Variants in ZNF678 observed in about 807,000 individuals in gnomAD.
The protein encoded by ZNF678 is zinc finger protein 678, also known as hypothetical protein MGC42493.
ZNF678 carries 5 observed loss-of-function variants against 3.0 expected under a neutral mutation model. The ratio of observed to expected loss-of-function variants is 1.69; its 90% CI spans 0.88 to 3.56. ZNF678 has a LOEUF of 3.56. ZNF678 is among the 30% of genes most tolerant of loss of function. The pLI is 0.00. For missense variants in ZNF678, 593 were observed against 605.0 expected, an observed-to-expected ratio of 0.98 and a Z score of 0.21; for synonymous variants, 218 against 199.6, an observed-to-expected ratio of 1.09 and a Z score of -0.78.
chr1:227,643,304 A>G (rs1658868196), intron 1 of ZNF678, among the ~76,000 whole-genome samples: 1 of 152,204 alleles, frequency 6.6e-6, no homozygotes, highest in Admixed American at 6.5e-5. Context: ...AAAGGTTTAT[A>G]TTATATTTAT....
intron 1 of ZNF678, among the ~76,000 whole-genome samples, chr1:227,577,878 CTT>C (rs1657024966): frequency 6.6e-6 from 1 of 152,122 alleles, no homozygotes; most frequent in South Asian, 2.1e-4. Flanking sequence ...TGGTAACAGT[CTT>C]TTCTCTCCAT....
intron 1 of ZNF678, among the ~76,000 whole-genome samples, chr1:227,628,370 C>T (rs1027742406): frequency 4.6e-5 from 7 of 152,180 alleles, no homozygotes; most frequent in Admixed American, 2.0e-4. Context: ...TTAGGGCCTT[C>T]TTTAGGGCCT....
Position 227,654,378 on chromosome 1 carries a change from A to G in ZNF678, c.128A>G (p.Asp43Gly). ...YSIQDLLPEQ[D>G]MKDLCQKVTL... ...ATTCAAGACCTTTTGCCAGAGCAGG[A>G]TATGAAAGATTTATGCCAAAAAGTG... The change falls in exon 4 of 4, where the codon GAT (aspartate) becomes GGT (glycine). Residue 43 changes from aspartate to glycine, a missense_variant. Physicochemically the swap from Asp to Gly is moderately conservative, Grantham distance 94 (BLOSUM62 -1). Coordinates refer to ENST00000343776, the MANE Select transcript of ZNF678 (RefSeq NM_001367909.1). 2 of 1,599,344 alleles carry G rather than the reference A, an allele frequency of 1.3e-6. No homozygotes were observed. Among genetic ancestry groups the G allele is most frequent in the Non-Finnish European group, 8.5e-7 (1 of 1,174,070 alleles).
intron 1 of ZNF678, among the ~76,000 whole-genome samples, chr1:227,633,106 T>C (rs1658590848): frequency 6.6e-6 from 1 of 152,058 alleles, no homozygotes; most frequent in African/African-American, 2.4e-5. Flanking sequence ...ATCAGAATTG[T>C]GGTGGACACC....
downstream of ZNF678, among the ~76,000 whole-genome samples, chr1:227,662,893 G>A (rs201407546): frequency 3.3e-5 from 5 of 152,140 alleles, no homozygotes; most frequent in East Asian, 7.7e-4. Flanking sequence ...GGGCTGAATT[G>A]CATTTTCTCC....
chr1:227,571,390 T>C (rs1046727319), intron 1 of ZNF678, among the ~76,000 whole-genome samples: 3 of 152,242 alleles, frequency 2.0e-5, no homozygotes, highest in African/African-American at 7.2e-5. Context: ...AGTTTTACAG[T>C]TCCATGTTGA....
chr1:227,677,574 G>A (rs1659704923), downstream of ZNF678: 1 of 152,222 alleles, frequency 6.6e-6, no homozygotes, highest in Admixed American at 6.5e-5. Context: ...AAACTGGCAG[G>A]GGACTCTTCC....
At chr1:227,630,229 A>G (rs1324170858) in intron 1 of ZNF678, among the ~76,000 whole-genome samples, 2 of 152,240 alleles carry the variant, frequency 1.3e-5, no homozygotes, top group Non-Finnish European at 2.9e-5. Context: ...CCTGTGTTAT[A>G]GTGGACATCA....
chr1:227,624,250 A>T (rs1033021591), intron 1 of ZNF678, among the ~76,000 whole-genome samples: 3 of 152,230 alleles, frequency 2.0e-5, no homozygotes, highest in Non-Finnish European at 4.4e-5. Context: ...AATAACAAAT[A>T]CATATACAGC....
rs558376029 is a variant in ZNF678 at position 227,594,586 on chromosome 1, C to T, written c.-164+30862C>T. Among the ~76,000 whole-genome samples the T allele has an allele frequency of 5.9e-5, 9 of 152,260 alleles. No homozygotes were observed. In the South Asian group the frequency reaches 1.7e-3, roughly 28 times the overall value. ...TAAAACAAAGTATACATATTTTTAA[C>T]CTTTTGATGTAGGTAAAAATTTATA... On this transcript the variant is annotated intron_variant, in intron 1 of 3. Transcript: ENST00000343776.
intron 1 of ZNF678, among the ~76,000 whole-genome samples, chr1:227,635,211 A>G (rs1262798922): frequency 6.6e-6 from 1 of 152,186 alleles, no homozygotes; most frequent in Non-Finnish European, 1.5e-5. Context: ...ATGTATGCAC[A>G]TCTTTTAAAA....
intron 1 of ZNF678, among the ~76,000 whole-genome samples, chr1:227,573,807 G>A (rs1342546359): frequency 1.4e-5 from 2 of 147,118 alleles, no homozygotes; most frequent in Non-Finnish European, 3.0e-5. Flanking sequence ...TATTTTTTCT[G>A]ATTCTCTCCC....
Position 227,655,873 on chromosome 1 carries a change from A to T in ZNF678, c.*45A>T. 1 of 1,501,524 alleles carries T rather than the reference A, an allele frequency of 6.7e-7. No homozygotes were observed. The highest frequency in any genetic ancestry group is 8.9e-7 in the Non-Finnish European group (1 of 1,120,152). The allele number at this position is 1,501,524 out of a possible 1,614,324, so 93.0% of individuals were successfully genotyped here. ...GGCTTCACTAATTTCATACTGAATA[A>T]AAGTGGTATGAGCATAATGACTGTT... is the stretch of plus-strand genomic sequence containing the variant. On this transcript the variant is annotated 3_prime_UTR_variant, in exon 4 of 4. Transcript: ENST00000343776.
chr1:227,628,572 T>A (rs1397381706), intron 1 of ZNF678, among the ~76,000 whole-genome samples: 1 of 152,266 alleles, frequency 6.6e-6, no homozygotes, highest in Admixed American at 6.5e-5. Flanking sequence ...CAGTATAGGC[T>A]GGATACGTTC....
intron 1 of ZNF678, among the ~76,000 whole-genome samples, chr1:227,612,332 C>T (rs950147811): frequency 2.6e-5 from 4 of 152,172 alleles, no homozygotes; most frequent in African/African-American, 9.7e-5. Flanking sequence ...GAGCAGTCTG[C>T]CATGCAAGGC....
At chr1:227,567,367 A>G (rs1474749629) in intron 1 of ZNF678, among the ~76,000 whole-genome samples, 1 of 152,210 alleles carries the variant, frequency 6.6e-6, no homozygotes, top group Non-Finnish European at 1.5e-5. Flanking sequence ...CTGACTGGAA[A>G]GTAGAAGTCT....
At chr1:227,623,681 ATTAC>A (rs1172346295) in intron 1 of ZNF678, among the ~76,000 whole-genome samples, 3 of 152,190 alleles carry the variant, frequency 2.0e-5, no homozygotes, top group African/African-American at 4.8e-5. Flanking sequence ...TTAGTTGATA[ATTAC>A]TTTTCCTATA....
At chr1:227,643,894 C>T (rs1185002100) in intron 1 of ZNF678, among the ~76,000 whole-genome samples, 9 of 126,156 alleles carry the variant, frequency 7.1e-5, no homozygotes, top group Admixed American at 2.9e-4. Flanking sequence ...GATGGAGTCT[C>T]GCTCTGTCAC....
chr1:227,593,999 T>A (rs186928579), intron 1 of ZNF678, among the ~76,000 whole-genome samples: 8 of 152,182 alleles, frequency 5.3e-5, no homozygotes, highest in African/African-American at 1.4e-4. Context: ...TGGTGCTGAT[T>A]TGCCGGAAAT....
Sources: gnomAD v4.1 joint callset for allele counts (sites outside exome capture counted in the v4.1 genomes callset) on GRCh38, gnomAD v4.1.1 for gene constraint, MANE v1.5 for transcripts, NCBI Gene and HGNC (gene_info 2026-07-23, HGNC 2026-07-21) for gene names.